Variants in ANAPC5 observed in about 807,000 individuals in gnomAD.
ANAPC5 encodes anaphase-promoting complex subunit 5.
In ANAPC5, 60 loss-of-function variants were observed where a neutral mutation model predicts 91.3. That is an observed-to-expected ratio of 0.66 (90% CI 0.53 to 0.81). The LOEUF is 0.81. Among genes scored for constraint, ANAPC5 ranks in the 40% least tolerant of loss-of-function variants. The probability of loss-of-function intolerance (pLI) is 0.00; values close to 1 mark genes in which losing one functional copy is unlikely to be tolerated. For missense variants in ANAPC5, 690 were observed against 931.5 expected (o/e 0.74, Z 3.37); for synonymous variants, 340 against 364.1 (o/e 0.93, Z 0.75).
intron 1 of ANAPC5, among the ~76,000 whole-genome samples, chr12:121,349,989 G>A (rs1397560320): frequency 1.3e-5 from 2 of 152,058 alleles, no homozygotes; most frequent in African/African-American, 4.8e-5. Context: ...GGGGTTACAG[G>A]TGTGATCCCA....
At chr12:121,328,032 G>T in intron 10 of ANAPC5, 1 of 305,040 alleles carries the variant, frequency 3.3e-6, no homozygotes, top group Non-Finnish European at 6.2e-6. Context: ...TTGCGATCGC[G>T]GGTAGATCAG....
intron 8 of ANAPC5, 69 bp from the exon 9 acceptor site, chr12:121,330,741 G>C: frequency 7.9e-7 from 1 of 1,269,376 alleles, no homozygotes; most frequent in Non-Finnish European, 1.1e-6. Flanking sequence ...AAATATCAAT[G>C]TGGTCATAAG....
intron 1 of ANAPC5, among the ~76,000 whole-genome samples, chr12:121,349,720 A>ATTTTT (rs11408254): frequency 7.2e-6 from 1 of 138,306 alleles, no homozygotes; most frequent in Non-Finnish European, 1.5e-5. Flanking sequence ...CACTGTTTCT[A>ATTTTT]TTTTTTTTTT....
chr12:121,340,785 C>T (rs935948943), intron 5 of ANAPC5, among the ~76,000 whole-genome samples: 9 of 151,768 alleles, frequency 5.9e-5, no homozygotes, highest in Admixed American at 6.6e-5. Flanking sequence ...TGCTCTCAAA[C>T]ACCTGACCTT....
At position 121,312,306 on chromosome 12, in the gene ANAPC5, G is replaced by A. The variant is rs572234119; in HGVS notation, c.1894-2443C>T. On this transcript the variant is annotated intron_variant, in intron 15 of 16. Transcript: ENST00000261819. ...TGGCTGGGCGCAGTGGCTCATGCCT[G>A]TAATCCCAGCACTCTGTGAGGCTGA... Among the ~76,000 whole-genome samples, 8 of 152,280 alleles carry A rather than the reference G, an allele frequency of 5.3e-5. No homozygotes were observed. In the South Asian group the frequency reaches 1.2e-3, roughly 24 times the overall value.
At chr12:121,322,175 T>C (rs1420095104) in intron 11 of ANAPC5, among the ~76,000 whole-genome samples, 2 of 150,416 alleles carry the variant, frequency 1.3e-5, no homozygotes, top group East Asian at 3.9e-4. Flanking sequence ...GTTTTTTTTT[T>C]TGAGAGGGAG....
chr12:121,314,797 A>T (rs931675091), intron 15 of ANAPC5, among the ~76,000 whole-genome samples: 3 of 151,782 alleles, frequency 2.0e-5, no homozygotes, highest in Non-Finnish European at 4.4e-5. Flanking sequence ...CACTCAGCTA[A>T]TTTTTCTATT....
intron 1 of ANAPC5, 106 bp from the exon 2 acceptor site, chr12:121,347,987 C>T: frequency 1.3e-6 from 1 of 767,736 alleles, no homozygotes; most frequent in Non-Finnish European, 2.2e-6. Context: ...AATAATCACT[C>T]CAAACATGCA....
chr12:121,312,706 C>CAAAAAA (rs34791908), intron 15 of ANAPC5, among the ~76,000 whole-genome samples: 1 of 51,812 alleles, frequency 1.9e-5, no homozygotes, highest in African/African-American at 6.3e-5. Flanking sequence ...GACTCTGTCA[C>CAAAAAA]AAAAAAAAAA....
intron 1 of ANAPC5, among the ~76,000 whole-genome samples, chr12:121,351,564 T>G (rs532655400): frequency 6.6e-6 from 1 of 151,614 alleles, no homozygotes; most frequent in Non-Finnish European, 1.5e-5. Flanking sequence ...TTCTAGCGAT[T>G]CTCCTGCCTC....
At chr12:121,353,336 T>TTA (rs1555275704), upstream of ANAPC5, among the ~76,000 whole-genome samples, 1 of 152,220 alleles carries the variant, frequency 6.6e-6, no homozygotes, top group East Asian at 1.9e-4. Context: ...TGAATTATTA[T>TTA]TAATGATCTG....
At position 121,308,443 on chromosome 12, in the gene ANAPC5, T is replaced by A; in HGVS notation, c.*37A>T. ...AGGGGACATGAACAAGTCCAAAATC[T>A]TATACTCTGCACAGCAGCCCAGCAG... On this transcript the variant is annotated 3_prime_UTR_variant, in exon 17 of 17. Transcript: ENST00000261819. 1 of 1,591,378 alleles carries A rather than the reference T, an allele frequency of 6.3e-7. No individual in the cohort carries two copies. The highest frequency in any genetic ancestry group is 8.6e-7 in the Non-Finnish European group (1 of 1,161,792).
chr12:121,331,136 C>T (rs1216786577), intron 8 of ANAPC5: 5 of 492,788 alleles, frequency 1.0e-5, no homozygotes, highest in Non-Finnish European at 7.4e-6. Flanking sequence ...CTTTGTAGAG[C>T]AGATATATGC....
chr12:121,331,711 C>A (rs1329730375), intron 7 of ANAPC5: 3 of 233,232 alleles, frequency 1.3e-5, no homozygotes, highest in Non-Finnish European at 2.6e-5. Flanking sequence ...TAAAGGTCCA[C>A]TGCTGAGGGG....
chr12:121,328,547 ATT>A, intron 9 of ANAPC5, 50 bp from the exon 10 acceptor site: 1 of 1,566,344 alleles, frequency 6.4e-7, no homozygotes, highest in Non-Finnish European at 8.7e-7. Flanking sequence ...ACATGACAGA[ATT>A]TGTTTTGCTC....
At chr12:121,328,554 T>C in intron 9 of ANAPC5, 57 bp from the exon 10 acceptor site, 3 of 1,541,980 alleles carry the variant, frequency 1.9e-6, no homozygotes, top group Non-Finnish European at 2.7e-6. Context: ...AGAATTTGTT[T>C]TGCTCTTCAG....
chr12:121,309,929 A>G (rs1902090074), intron 15 of ANAPC5, 66 bp from the exon 16 acceptor site: 1 of 1,463,540 alleles, frequency 6.8e-7, no homozygotes, highest in Non-Finnish European at 9.2e-7. Flanking sequence ...GAAGCGTTTC[A>G]TTTCTGGCAG....
intron 1 of ANAPC5, among the ~76,000 whole-genome samples, chr12:121,351,463 CTT>C (rs1343364075): frequency 6.9e-6 from 1 of 145,000 alleles, no homozygotes. Context: ...GGCTTTATGC[CTT>C]TTTTTTTTTT....
rs1313836445 is a variant in ANAPC5, at chr12:121,328,414, T to C, written c.1206A>G (p.Leu402=). ...GKTANKLMDA[L]KDSDLLHWKH... ...TCCAGTGCAGGAGGTCGGAGTCCTT[T>C]AGGGCATCCATCAGCTTGTTTGCCG... Residue 402 remains leucine (L), a synonymous_variant, in exon 10 of 17, where the codon CTA becomes CTG. Coordinates refer to ENST00000261819, the MANE Select transcript of ANAPC5 (RefSeq NM_016237.5). 6.8e-6 allele frequency: 11 copies of C among 1,613,790 alleles called. No homozygotes were observed. The highest frequency in any genetic ancestry group is 2.7e-5 in the African/African-American group (2 of 74,822).
Sources: gnomAD v4.1 joint callset for allele counts (sites outside exome capture counted in the v4.1 genomes callset) on GRCh38, gnomAD v4.1.1 for gene constraint, MANE v1.5 for transcripts, NCBI Gene and HGNC (gene_info 2026-07-23, HGNC 2026-07-21) for gene names.